SPAG16: variants seen among roughly 807,000 people sequenced by gnomAD.
SPAG16 encodes sperm-associated antigen 16 protein.
Under a neutral mutation model 80.4 loss-of-function variants are expected in SPAG16, and 86 were observed. The ratio of observed to expected loss-of-function variants is 1.07; its 90% CI spans 0.90 to 1.28. The LOEUF (loss-of-function observed/expected upper bound fraction) is 1.28. Ranked by LOEUF, SPAG16 falls within the 50% of genes most tolerant of loss-of-function variation. SPAG16 has a pLI of 0.00. For synonymous variants in SPAG16, 294 were observed against 265.9 expected (o/e 1.11, Z -1.03); for missense variants, 870 against 765.3 (o/e 1.14, Z -1.61).
chr2:214,334,975 G>A (rs1214551783), intron 15 of SPAG16, among the ~76,000 whole-genome samples: 2 of 152,166 alleles, frequency 1.3e-5, no homozygotes, highest in Non-Finnish European at 2.9e-5. Flanking sequence ...TAGACTTTGA[G>A]GCAGAGATTT....
At chr2:213,676,760 T>G (rs1241023202) in intron 10 of SPAG16, among the ~76,000 whole-genome samples, 1 of 150,478 alleles carries the variant, frequency 6.6e-6, no homozygotes, top group East Asian at 1.9e-4. Context: ...ATAAGCTTTT[T>G]GATGTGCTGC....
At chr2:213,913,359 G>A (rs1277221903) in intron 11 of SPAG16, among the ~76,000 whole-genome samples, 1 of 152,008 alleles carries the variant, frequency 6.6e-6, no homozygotes, top group Non-Finnish European at 1.5e-5. Context: ...TGCATATCTG[G>A]AGATTGTATA....
intron 11 of SPAG16, among the ~76,000 whole-genome samples, chr2:213,914,617 T>C (rs372877364): frequency 5.3e-4 from 80 of 152,346 alleles, no homozygotes; most frequent in African/African-American, 1.7e-3. Flanking sequence ...ATGTCAGAGT[T>C]TTGATGTGTT....
intron 12 of SPAG16, among the ~76,000 whole-genome samples, chr2:214,010,713 A>T (rs2047242881): frequency 6.8e-6 from 1 of 146,480 alleles, no homozygotes; most frequent in Non-Finnish European, 1.5e-5. Flanking sequence ...AACTGTATAA[A>T]AGTATGGATG....
chr2:213,515,353 A>T (rs2075381408), intron 10 of SPAG16, among the ~76,000 whole-genome samples: 1 of 152,144 alleles, frequency 6.6e-6, no homozygotes, highest in Non-Finnish European at 1.5e-5. Flanking sequence ...AGGAAGTCAC[A>T]TTGATGACTT....
chr2:213,962,553 G>A (rs2044500634), intron 12 of SPAG16, among the ~76,000 whole-genome samples: 1 of 152,184 alleles, frequency 6.6e-6, no homozygotes. Context: ...AAACCTGTGT[G>A]AGGACAGCAA....
chr2:213,912,086 A>G (rs1183938168), intron 11 of SPAG16, among the ~76,000 whole-genome samples: 1 of 152,124 alleles, frequency 6.6e-6, no homozygotes, highest in Non-Finnish European at 1.5e-5. Flanking sequence ...ATTAAAAGTA[A>G]TTTTAGTGAG....
chr2:213,860,978 A>C (rs1218987626), intron 10 of SPAG16, among the ~76,000 whole-genome samples: 4 of 152,102 alleles, frequency 2.6e-5, no homozygotes, highest in African/African-American at 9.7e-5. Context: ...TTTTCTTCTA[A>C]TTAAGTTCTA....
chr2:213,455,367 C>T (rs2071938021), intron 9 of SPAG16, among the ~76,000 whole-genome samples: 1 of 152,160 alleles, frequency 6.6e-6, no homozygotes, highest in Admixed American at 6.5e-5. Context: ...CACCAAACAT[C>T]CCCTTGTACT....
At chr2:213,436,862 T>C (rs1204815648) in intron 9 of SPAG16, among the ~76,000 whole-genome samples, 1 of 152,168 alleles carries the variant, frequency 6.6e-6, no homozygotes, top group Admixed American at 6.5e-5. Flanking sequence ...TAATTTCCAG[T>C]GTTTTAATTC....
intron 13 of SPAG16, among the ~76,000 whole-genome samples, chr2:214,046,559 T>A (rs1295044486): frequency 6.6e-6 from 1 of 152,148 alleles, no homozygotes; most frequent in Non-Finnish European, 1.5e-5. Flanking sequence ...CACAAATCAA[T>A]CAATGTGATA....
chr2:213,502,161 T>C (rs2074769491), intron 10 of SPAG16, among the ~76,000 whole-genome samples: 1 of 152,234 alleles, frequency 6.6e-6, no homozygotes, highest in Non-Finnish European at 1.5e-5. Flanking sequence ...AATCTCATCC[T>C]GTCACTCAGG....
Position 213,411,514 on chromosome 2 carries a change from A to G in SPAG16, c.942+36395A>G, listed in dbSNP as rs73990346. Among the ~76,000 whole-genome samples the G allele has an allele frequency of 2.6e-3, 396 of 152,346 alleles. 4 individuals carry two copies. Among genetic ancestry groups the G allele is most frequent in the African/African-American group, 8.8e-3 (364 of 41,586 alleles). ...TAGACATGATATTAGCAGAAAGAGG[A>G]GTTTGCGTCATGATTAAAACTCAAT... On this transcript the variant is annotated intron_variant, in intron 9 of 15. Transcript: ENST00000331683.
chr2:213,858,294 ATTG>A (rs2075265099), intron 10 of SPAG16, among the ~76,000 whole-genome samples: 1 of 152,158 alleles, frequency 6.6e-6, no homozygotes, highest in African/African-American at 2.4e-5. Flanking sequence ...GGCAAACTTC[ATTG>A]TTGTCTTATT....
chr2:214,123,119 T>TA (rs1165796405), intron 14 of SPAG16, among the ~76,000 whole-genome samples: 1 of 151,858 alleles, frequency 6.6e-6, no homozygotes, highest in Non-Finnish European at 1.5e-5. Context: ...AAGCAGCCAT[T>TA]AAAAAAATTA....
At chr2:213,746,282 GACAGTAAT>G (rs1338997866) in intron 10 of SPAG16, among the ~76,000 whole-genome samples, 1 of 152,154 alleles carries the variant, frequency 6.6e-6, no homozygotes, top group Non-Finnish European at 1.5e-5. Context: ...TGCAATTACT[GACAGTAAT>G]ACTCTCTGAA....
At chr2:213,972,017 A>G (rs2045091533) in intron 12 of SPAG16, among the ~76,000 whole-genome samples, 1 of 151,772 alleles carries the variant, frequency 6.6e-6, no homozygotes, top group South Asian at 2.1e-4. Flanking sequence ...TGATACAGGC[A>G]TACAATGTAT....
At chr2:214,116,093 A>G (rs1378494672) in intron 14 of SPAG16, among the ~76,000 whole-genome samples, 1 of 152,116 alleles carries the variant, frequency 6.6e-6, no homozygotes, top group Non-Finnish European at 1.5e-5. Flanking sequence ...AAGCCTAGGA[A>G]TAACCTCATT....
chr2:214,183,052 G>A (rs1252954660), intron 15 of SPAG16, among the ~76,000 whole-genome samples: 1 of 151,898 alleles, frequency 6.6e-6, no homozygotes, highest in Admixed American at 6.6e-5. Context: ...TCCTAATACA[G>A]TAAATTAGTG....
Sources: gnomAD v4.1 joint callset for allele counts (sites outside exome capture counted in the v4.1 genomes callset) on GRCh38, gnomAD v4.1.1 for gene constraint, MANE v1.5 for transcripts, NCBI Gene and HGNC (gene_info 2026-07-23, HGNC 2026-07-21) for gene names.